COL4A3: variants seen among roughly 807,000 people sequenced by gnomAD.
COL4A3 encodes the protein collagen type IV alpha 3 chain.
COL4A3 carries 135 observed loss-of-function variants against 217.4 expected under a neutral mutation model. The ratio of observed to expected loss-of-function variants is 0.62; its 90% CI spans 0.54 to 0.72. COL4A3 has a LOEUF of 0.72. COL4A3 is among the 30% of genes least tolerant of loss of function. The pLI is 0.00. For missense variants in COL4A3, 1,868 were observed against 2,119.9 expected, an observed-to-expected ratio of 0.88 and a Z score of 2.33; for synonymous variants, 690 against 736.3, an observed-to-expected ratio of 0.94 and a Z score of 1.02.
intron 1 of COL4A3, among the ~76,000 whole-genome samples, chr2:227,228,217 C>A (rs1280534857): frequency 6.6e-6 from 1 of 152,186 alleles, no homozygotes; most frequent in South Asian, 2.1e-4. Context: ...AGCTTCAGGG[C>A]GGGGCAGGCG....
At chr2:227,203,270 T>TATATATACATATATGTATATATAC (rs1491410866) in intron 1 of COL4A3, among the ~76,000 whole-genome samples, 1 of 20,914 alleles carries the variant, frequency 4.8e-5, no homozygotes, top group Non-Finnish European at 1.4e-4. Flanking sequence ...CATATATGTG[T>TATATATACATATATGTATATATAC]ATATATGTGT....
intron 5 of COL4A3, 142 bp downstream of exon 5, chr2:227,245,137 C>A: frequency 1.3e-6 from 1 of 778,220 alleles, no homozygotes; most frequent in Admixed American, 2.0e-5. Context: ...GTATATTATA[C>A]TAGTGTGTGG....
chr2:227,285,277 T>TAAAAAAAAAAAAAAAAAA (rs764697409), intron 34 of COL4A3, among the ~76,000 whole-genome samples: 2 of 72,374 alleles, frequency 2.8e-5, no homozygotes, highest in African/African-American at 1.1e-4. Context: ...CTGCCAAACC[T>TAAAAAAAAAAAAAAAAAA]AAAAAAAAAA....
intron 1 of COL4A3, among the ~76,000 whole-genome samples, chr2:227,190,153 G>A (rs899873277): frequency 2.0e-5 from 3 of 152,208 alleles, no homozygotes; most frequent in Non-Finnish European, 4.4e-5. Context: ...ATTCATAAAT[G>A]AGTTGAAAAA....
intron 1 of COL4A3, among the ~76,000 whole-genome samples, chr2:227,177,397 C>T (rs1249863224): frequency 6.6e-6 from 1 of 151,908 alleles, no homozygotes; most frequent in African/African-American, 2.4e-5. Flanking sequence ...CCTCATGATC[C>T]GCCCGCCTCG....
At chr2:227,260,053 T>A (rs1484660474) in intron 19 of COL4A3, 176 bp downstream of exon 19, 1 of 753,608 alleles carries the variant, frequency 1.3e-6, no homozygotes, top group Middle Eastern at 2.3e-4. Flanking sequence ...TTTTATTTCA[T>A]AGGTTGTATA....
chr2:227,235,318 C>A (rs1025002167), intron 1 of COL4A3, among the ~76,000 whole-genome samples: 2 of 152,160 alleles, frequency 1.3e-5, no homozygotes, highest in Non-Finnish European at 2.9e-5. Context: ...AGATTAAAAT[C>A]ATTTAGTCAA....
chr2:227,203,480 C>CATACAT (rs1553739529), intron 1 of COL4A3, among the ~76,000 whole-genome samples: 1 of 20,792 alleles, frequency 4.8e-5, no homozygotes, highest in Non-Finnish European at 7.8e-5. Flanking sequence ...TATGTGTATA[C>CATACAT]ATATGTGTGT....
intron 1 of COL4A3, among the ~76,000 whole-genome samples, chr2:227,171,395 G>C (rs2065468370): frequency 6.6e-6 from 1 of 152,146 alleles, no homozygotes; most frequent in African/African-American, 2.4e-5. Context: ...ACAGGAGTGG[G>C]CACCTGTGAG....
intron 1 of COL4A3, among the ~76,000 whole-genome samples, chr2:227,194,881 C>T (rs1050261618): frequency 1.5e-4 from 23 of 152,124 alleles, no homozygotes; most frequent in African/African-American, 5.1e-4. Context: ...GAGACACATA[C>T]AGGCAAAAGT....
At chr2:227,254,771 CTT>C in intron 15 of COL4A3, 56 bp downstream of exon 15, 1 of 1,259,444 alleles carries the variant, frequency 7.9e-7, no homozygotes, top group South Asian at 1.2e-5. Context: ...ACTTGGGACT[CTT>C]TAGGTTACAG....
At chr2:227,297,894 A>C (rs1176215546) in intron 42 of COL4A3, 35 bp downstream of exon 42, 1 of 1,550,198 alleles carries the variant, frequency 6.5e-7, no homozygotes, top group Non-Finnish European at 8.7e-7. Context: ...ATAAAATAAC[A>C]AAAATCATGT....
intron 8 of COL4A3, among the ~76,000 whole-genome samples, chr2:227,247,931 T>C (rs1421371017): frequency 1.3e-5 from 2 of 152,162 alleles, no homozygotes; most frequent in Non-Finnish European, 2.9e-5. Context: ...GTCTTTCTTC[T>C]TTCCACTGTA....
At chr2:227,247,496 A>G in intron 7 of COL4A3, 62 bp from the exon 8 acceptor site, 1 of 1,512,472 alleles carries the variant, frequency 6.6e-7, no homozygotes, top group African/African-American at 1.4e-5. Context: ...GGCAGAGCAG[A>G]CCGAGTAGGA....
intron 1 of COL4A3, among the ~76,000 whole-genome samples, chr2:227,175,913 AT>A (rs1218934448): frequency 6.6e-6 from 1 of 152,220 alleles, no homozygotes; most frequent in African/African-American, 2.4e-5. Context: ...TTCTTCTTTC[AT>A]TCCTGTTGAC....
At chr2:227,300,849 T>C (rs935029843) in intron 43 of COL4A3, among the ~76,000 whole-genome samples, 6 of 152,166 alleles carry the variant, frequency 3.9e-5, no homozygotes, top group African/African-American at 1.4e-4. Context: ...GCCTGAGTCT[T>C]GAAAGACGCA....
Position 227,294,473 on chromosome 2 carries a change from CCT to C in COL4A3, c.3338-12_3338-11del, listed in dbSNP as rs749699114. The C allele has an allele frequency of 2.0e-6, 3 of 1,530,456 alleles. No individual in the cohort carries two copies. The highest frequency in any genetic ancestry group is 2.2e-5 in the East Asian group (1 of 44,478). The allele number at this position is 1,530,456 out of a possible 1,614,324, so 94.8% of individuals were successfully genotyped here. ...TTTGGTGATCTTTTTTCTTCCTTCC[CCT>C]CTCTTCATTTCCAGGAAAGCCAGGT... On this transcript the variant is annotated splice_polypyrimidine_tract_variant and intron_variant, in intron 38 of 51. Coordinates refer to ENST00000396578, the MANE Select transcript of COL4A3 (RefSeq NM_000091.5).
chr2:227,293,759 T>G, intron 38 of COL4A3: 1 of 469,258 alleles, frequency 2.1e-6, no homozygotes, highest in Non-Finnish European at 4.4e-6. Context: ...CAGCTCCGAG[T>G]CTGTGATCAA....
At chr2:227,172,314 G>A (rs2065506364) in intron 1 of COL4A3, among the ~76,000 whole-genome samples, 1 of 152,120 alleles carries the variant, frequency 6.6e-6, no homozygotes, top group Admixed American at 6.5e-5. Context: ...CTGATGAGGC[G>A]GGGGCCCTCT....
Sources: allele counts gnomAD v4.1 joint callset (sites outside exome capture counted in the v4.1 genomes callset), GRCh38; gene constraint gnomAD v4.1.1; transcripts MANE v1.5; gene names NCBI Gene and HGNC (gene_info 2026-07-23, HGNC 2026-07-21).